EPHA6: variants seen among roughly 807,000 people sequenced by gnomAD.
EPHA6 encodes the protein EPH receptor A6.
Under a neutral mutation model 112.0 loss-of-function variants are expected in EPHA6, and 50 were observed. That is an observed-to-expected ratio of 0.45 (90% CI 0.36 to 0.56). The LOEUF (loss-of-function observed/expected upper bound fraction) is 0.56. EPHA6 is among the 20% of genes least tolerant of loss of function. The pLI is 0.00. For synonymous variants in EPHA6, 529 were observed against 490.7 expected, an observed-to-expected ratio of 1.08 and a Z score of -1.03; for missense variants, 1,280 against 1,417.4, an observed-to-expected ratio of 0.90 and a Z score of 1.56.
At chr3:96,900,571 A>G (rs559170072) in intron 2 of EPHA6, among the ~76,000 whole-genome samples, 3 of 152,364 alleles carry the variant, frequency 2.0e-5, no homozygotes, top group South Asian at 4.1e-4. Context: ...ACTAAAGGCA[A>G]CAGAGGGAGC....
At chr3:97,335,182 A>G (rs2082999847) in intron 5 of EPHA6, among the ~76,000 whole-genome samples, 1 of 152,156 alleles carries the variant, frequency 6.6e-6, no homozygotes, top group South Asian at 2.1e-4. Context: ...TGGGGTACTC[A>G]TCATGTAATT....
chr3:97,052,799 G>A (rs367766749), intron 3 of EPHA6, among the ~76,000 whole-genome samples: 2 of 152,004 alleles, frequency 1.3e-5, no homozygotes, highest in African/African-American at 4.8e-5. Context: ...TAAACTCAGG[G>A]GACCAGCTAG....
intron 1 of EPHA6, among the ~76,000 whole-genome samples, chr3:96,817,758 C>G (rs187279271): frequency 1.3e-5 from 2 of 151,920 alleles, no homozygotes; most frequent in Non-Finnish European, 3.0e-5. Flanking sequence ...TCCCACAACC[C>G]CCACCCCAAT....
At chr3:97,392,524 T>C (rs2086469924) in intron 5 of EPHA6, among the ~76,000 whole-genome samples, 1 of 151,810 alleles carries the variant, frequency 6.6e-6, no homozygotes, top group East Asian at 1.9e-4. Flanking sequence ...TACATATTTT[T>C]TTGTAACTTG....
chr3:97,213,001 T>C (rs986454507), intron 3 of EPHA6, among the ~76,000 whole-genome samples: 1 of 152,218 alleles, frequency 6.6e-6, no homozygotes, highest in Non-Finnish European at 1.5e-5. Flanking sequence ...ACTGCTTGTC[T>C]GATACCTGGG....
At chr3:97,070,675 T>C (rs1002299320) in intron 3 of EPHA6, among the ~76,000 whole-genome samples, 2 of 152,158 alleles carry the variant, frequency 1.3e-5, no homozygotes, top group South Asian at 2.1e-4. Flanking sequence ...TAGGAGCACC[T>C]TGTATATGTG....
At chr3:97,200,510 T>A (rs1206509072) in intron 3 of EPHA6, among the ~76,000 whole-genome samples, 1 of 152,116 alleles carries the variant, frequency 6.6e-6, no homozygotes, top group Non-Finnish European at 1.5e-5. Context: ...AATTATATAT[T>A]TCTGTCCTGT....
At chr3:97,359,510 TTTTG>T (rs931396131) in intron 5 of EPHA6, among the ~76,000 whole-genome samples, 3 of 152,098 alleles carry the variant, frequency 2.0e-5, no homozygotes, top group East Asian at 1.9e-4. Flanking sequence ...TTTTAACAGT[TTTTG>T]TTTGTTTGTT....
chr3:97,754,331 G>A lies in EPHA6; in HGVS notation c.*5630G>A, dbSNP rs1446308225. Among the ~76,000 whole-genome samples, 2 of 152,044 alleles carry A rather than the reference G, an allele frequency of 1.3e-5. No homozygotes were observed. Among genetic ancestry groups the A allele is most frequent in the East Asian group, 1.9e-4 (1 of 5,172 alleles). On this transcript the variant is annotated 3_prime_UTR_variant, in exon 18 of 18. Transcript: ENST00000389672. ...TCGAACTCCCGACCTCAGGTGATCT[G>A]CCCGCCTCAGCCTCCCAAAGTGCTG...
intron 11 of EPHA6, among the ~76,000 whole-genome samples, chr3:97,580,212 C>T (rs1264662904): frequency 6.6e-6 from 1 of 152,190 alleles, no homozygotes; most frequent in African/African-American, 2.4e-5. Context: ...TTTTCCTCTC[C>T]ACATATATCA....
intron 11 of EPHA6, among the ~76,000 whole-genome samples, chr3:97,584,019 C>G (rs1486342607): frequency 1.3e-5 from 2 of 152,108 alleles, no homozygotes; most frequent in Non-Finnish European, 2.9e-5. Context: ...ACTGGGTCAT[C>G]ATAAGCATAT....
chr3:97,321,875 A>C (rs2082137763), intron 5 of EPHA6, among the ~76,000 whole-genome samples: 1 of 152,210 alleles, frequency 6.6e-6, no homozygotes, highest in South Asian at 2.1e-4. Context: ...TTCAAGGCTC[A>C]GTGTAAAATG....
chr3:97,104,590 A>T (rs1321210445), intron 3 of EPHA6, among the ~76,000 whole-genome samples: 1 of 152,106 alleles, frequency 6.6e-6, no homozygotes, highest in East Asian at 1.9e-4. Context: ...TATCAAGGAT[A>T]TTGGCCTGAA....
At chr3:97,143,022 G>C (rs2075951574) in intron 3 of EPHA6, among the ~76,000 whole-genome samples, 1 of 151,844 alleles carries the variant, frequency 6.6e-6, no homozygotes, top group Non-Finnish European at 1.5e-5. Flanking sequence ...AGCCAAATTG[G>C]AAAAGAGGAA....
intron 3 of EPHA6, among the ~76,000 whole-genome samples, chr3:97,014,710 T>C (rs1441415169): frequency 1.3e-5 from 2 of 152,190 alleles, no homozygotes; most frequent in Non-Finnish European, 2.9e-5. Flanking sequence ...GAGTCCAGCA[T>C]TGCACGTGGA....
At chr3:97,103,271 C>T (rs531541398) in intron 3 of EPHA6, among the ~76,000 whole-genome samples, 127 of 152,038 alleles carry the variant, frequency 8.4e-4, no homozygotes, top group Middle Eastern at 3.4e-3. Flanking sequence ...TTTCATAGTT[C>T]GAGGTTTTAC....
chr3:97,013,950 C>T (rs1004125507), intron 3 of EPHA6, among the ~76,000 whole-genome samples: 31 of 152,038 alleles, frequency 2.0e-4, no homozygotes, highest in Non-Finnish European at 4.6e-4. Flanking sequence ...TATTTTTGTA[C>T]TTCTCTTTCT....
At chr3:97,107,539 A>G (rs1385508700) in intron 3 of EPHA6, among the ~76,000 whole-genome samples, 2 of 152,164 alleles carry the variant, frequency 1.3e-5, no homozygotes, top group South Asian at 2.1e-4. Context: ...TCTAACTTCC[A>G]TGAAGATAGC....
chr3:97,070,221 T>C (rs2046310845), intron 3 of EPHA6, among the ~76,000 whole-genome samples: 2 of 152,166 alleles, frequency 1.3e-5, no homozygotes, highest in South Asian at 4.1e-4. Context: ...TGTTAGTTTA[T>C]TATTTGTATC....
Sources: gnomAD v4.1 joint callset for allele counts (sites outside exome capture counted in the v4.1 genomes callset) on GRCh38, gnomAD v4.1.1 for gene constraint, MANE v1.5 for transcripts, NCBI Gene and HGNC (gene_info 2026-07-23, HGNC 2026-07-21) for gene names.